The following NIBAN1 variants were observed in gnomAD, a reference collection of about 807,000 sequenced individuals.
NIBAN1 encodes niban apoptosis regulator 1.
In NIBAN1, 81 loss-of-function variants were observed where a neutral mutation model predicts 75.1. That is an observed-to-expected ratio of 1.08 (90% CI 0.90 to 1.30). The LOEUF (loss-of-function observed/expected upper bound fraction) is 1.30, where lower values mean the gene tolerates loss of function less well. NIBAN1 is among the 50% of genes most tolerant of loss of function. The pLI, the probability that NIBAN1 is intolerant of heterozygous loss-of-function variation, is 0.00. For missense variants in NIBAN1, 1,133 were observed against 1,128.1 expected (o/e 1.00, Z -0.06); for synonymous variants, 436 against 424.8 (o/e 1.03, Z -0.32).
intron 1 of NIBAN1, among the ~76,000 whole-genome samples, chr1:184,969,241 T>C (rs1447397776): frequency 6.6e-6 from 1 of 152,232 alleles, no homozygotes; most frequent in African/African-American, 2.4e-5. Context: ...AAAGGGGATT[T>C]AGTGGCTCTC....
chr1:184,898,191 T>C (rs1356873297), intron 2 of NIBAN1, among the ~76,000 whole-genome samples: 1 of 152,106 alleles, frequency 6.6e-6, no homozygotes, highest in Non-Finnish European at 1.5e-5. Flanking sequence ...TGTGGCAGGG[T>C]CTTCACACTT....
intron 5 of NIBAN1, among the ~76,000 whole-genome samples, chr1:184,878,399 C>T (rs747466844): frequency 1.1e-4 from 16 of 152,284 alleles, no homozygotes; most frequent in Admixed American, 3.3e-4. Flanking sequence ...GTGCAATCTT[C>T]CTTTACAAAT....
chr1:184,819,213 C>T lies in NIBAN1; in HGVS notation c.986-388G>A, dbSNP rs1166605631. Among the ~76,000 whole-genome samples the T allele has an allele frequency of 2.0e-5, 3 of 152,082 alleles. No homozygotes were observed. In the East Asian group the frequency reaches 5.8e-4, roughly 29 times the overall value. ...AAAAACACAATTTATTGTTTTAATT[C>T]ATTTCTCTAGGAGTTAATCACTCAG... On this transcript the variant is annotated intron_variant, in intron 8 of 13. Transcript: ENST00000367511.
At chr1:184,886,993 C>T (rs550217082) in intron 4 of NIBAN1, among the ~76,000 whole-genome samples, 5 of 152,206 alleles carry the variant, frequency 3.3e-5, no homozygotes, top group Non-Finnish European at 7.4e-5. Context: ...TGGTGGCATG[C>T]ACCTGTAATC....
chr1:184,804,715 T>C lies in NIBAN1; in HGVS notation c.1447-1023A>G, dbSNP rs887238800. On this transcript the variant is annotated intron_variant, in intron 11 of 13. Coordinates refer to ENST00000367511, the MANE Select transcript of NIBAN1 (RefSeq NM_052966.4). ...GCATTTGACACTGACACTATCTTTT[T>C]TTTTTTAGTTGCATTGCAATTTCAT... Among the ~76,000 whole-genome samples the C allele has an allele frequency of 5.9e-5, 9 of 152,334 alleles. 1 individual carries two copies. The East Asian group carries it at 1.2e-3, about 20-fold the overall frequency.
At chr1:184,951,702 C>G (rs898913942) in intron 1 of NIBAN1, among the ~76,000 whole-genome samples, 12 of 152,176 alleles carry the variant, frequency 7.9e-5, no homozygotes, top group African/African-American at 1.9e-4. Flanking sequence ...CCTTGTCCCC[C>G]CTACAGTCTA....
chr1:184,795,648 A>G lies in NIBAN1; in HGVS notation c.2116T>C (p.Ser706Pro). Reference protein sequence around the residue: ...AQEEPEPITASGSLKALRKLL... With the variant: ...AQEEPEPITAPGSLKALRKLL... ...TTTCTGAGCGCCTTCAAAGAACCCG[A>G]GGCAGTGATGGGTTCTGGCTCTTCC... The change falls in exon 14 of 14, where the codon TCG becomes CCG. Residue 706 changes from serine (S) to proline (P), a missense_variant. Transcript: ENST00000367511. The G allele has an allele frequency of 1.9e-6, 3 of 1,614,142 alleles. No individual in the cohort carries two copies. Among genetic ancestry groups the G allele is most frequent in the Non-Finnish European group, 2.5e-6 (3 of 1,180,034 alleles).
chr1:184,829,569 C>G (rs1654940881), intron 6 of NIBAN1, among the ~76,000 whole-genome samples: 1 of 147,476 alleles, frequency 6.8e-6, no homozygotes, highest in South Asian at 2.1e-4. Flanking sequence ...CAGGTTTAAG[C>G]AATTCTCCTT....
intron 1 of NIBAN1, among the ~76,000 whole-genome samples, chr1:184,960,295 G>T (rs1205001506): frequency 3.3e-5 from 5 of 152,072 alleles, no homozygotes; most frequent in Admixed American, 3.3e-4. Flanking sequence ...GGCACCAATT[G>T]TATTTTCTAA....
chr1:184,888,506 C>T (rs1038608839), intron 4 of NIBAN1, among the ~76,000 whole-genome samples: 1 of 152,148 alleles, frequency 6.6e-6, no homozygotes, highest in Non-Finnish European at 1.5e-5. Flanking sequence ...TTTCCAGATG[C>T]CATCAGTGAA....
chr1:184,834,222 T>C lies in NIBAN1; in HGVS notation c.602-2260A>G, dbSNP rs1481960857. Among the ~76,000 whole-genome samples, 6 of 152,230 alleles carry C rather than the reference T, an allele frequency of 3.9e-5. No individual in the cohort carries two copies. In the East Asian group the frequency reaches 9.6e-4, roughly 24 times the overall value. ...TTTATGGCTGCATAGTATTCCATGG[T>C]GTATATGTGCCACATTTTCTTAATC... On this transcript the variant is annotated intron_variant, in intron 5 of 13. Coordinates refer to ENST00000367511, the MANE Select transcript of NIBAN1 (RefSeq NM_052966.4).
At chr1:184,818,283 G>A (rs1258650147) in intron 9 of NIBAN1, among the ~76,000 whole-genome samples, 2 of 152,162 alleles carry the variant, frequency 1.3e-5, no homozygotes, top group African/African-American at 4.8e-5. Context: ...AATTCAAGGA[G>A]TTTGGAATGG....
At chr1:184,926,635 T>C (rs1259290337) in intron 1 of NIBAN1, among the ~76,000 whole-genome samples, 4 of 152,224 alleles carry the variant, frequency 2.6e-5, no homozygotes, top group Non-Finnish European at 5.9e-5. Flanking sequence ...CTTGAGATAG[T>C]ATTATTTGGG....
chr1:184,828,407 T>C (rs981443357), intron 6 of NIBAN1, among the ~76,000 whole-genome samples: 1 of 152,238 alleles, frequency 6.6e-6, no homozygotes. Flanking sequence ...AACCCAGCAC[T>C]TTAAACAAAA....
In NIBAN1 at chr1:184,795,138, C is replaced by T. The variant is rs547469636; in HGVS notation, c.2626G>A (p.Ala876Thr). 2.7e-5 allele frequency: 44 copies of T among 1,614,080 alleles called. No homozygotes were observed. The highest frequency in any genetic ancestry group is 1.6e-4 in the African/African-American group (12 of 74,954). ...GGQSSAAQAT[A>T]SVNAEEIKVA... ...TTGATCTCCTCTGCATTCACACTGG[C>T]CGTGGCCTGGGCCGCGCTGCTTTGC... The change falls in exon 14 of 14, where the codon GCC becomes ACC. Residue 876 changes from alanine to threonine, a missense_variant. By Grantham distance (58) the Ala-to-Thr change is moderately conservative. Coordinates refer to ENST00000367511, the MANE Select transcript of NIBAN1 (RefSeq NM_052966.4).
chr1:184,912,017 C>G (rs908014181), intron 1 of NIBAN1, among the ~76,000 whole-genome samples: 4 of 152,134 alleles, frequency 2.6e-5, no homozygotes. Flanking sequence ...GTGTTTACAC[C>G]TGTCAATCAT....
At chr1:184,902,112 T>A (rs888935224) in intron 1 of NIBAN1, among the ~76,000 whole-genome samples, 15 of 152,052 alleles carry the variant, frequency 9.9e-5, no homozygotes, top group African/African-American at 3.6e-4. Context: ...CTCTTGCTTG[T>A]AAGCTAGCAC....
intron 6 of NIBAN1, among the ~76,000 whole-genome samples, chr1:184,828,643 G>C (rs187108809): frequency 5.9e-5 from 9 of 152,258 alleles, no homozygotes; most frequent in African/African-American, 1.7e-4. Flanking sequence ...GGTTTAAAAT[G>C]CATTTCTGTA....
At chr1:184,956,579 G>A (rs946283048) in intron 1 of NIBAN1, among the ~76,000 whole-genome samples, 5 of 152,170 alleles carry the variant, frequency 3.3e-5, no homozygotes, top group Admixed American at 6.5e-5. Flanking sequence ...CAAAATGACA[G>A]TAGTTATTAA....
Sources: gnomAD v4.1 joint callset for allele counts (sites outside exome capture counted in the v4.1 genomes callset) on GRCh38, gnomAD v4.1.1 for gene constraint, MANE v1.5 for transcripts, NCBI Gene and HGNC (gene_info 2026-07-23, HGNC 2026-07-21) for gene names.